ITPK1: variants seen among roughly 807,000 people sequenced by gnomAD.
The protein encoded by ITPK1 is inositol-tetrakisphosphate 1-kinase.
A neutral mutation model predicts 45.3 loss-of-function variants in ITPK1; 21 were observed. The observed-to-expected ratio is 0.46, with a 90% CI of 0.33 to 0.67. ITPK1 has a LOEUF of 0.67. Among genes scored for constraint, ITPK1 ranks in the 30% least tolerant of loss-of-function variants. ITPK1 has a pLI of 0.02. For missense variants in ITPK1, 474 were observed against 573.5 expected (o/e 0.83, Z 1.77); for synonymous variants, 258 against 253.6 (o/e 1.02, Z -0.16).
At chr14:93,011,317 G>A (rs534437521) in intron 4 of ITPK1, among the ~76,000 whole-genome samples, 4 of 152,360 alleles carry the variant, frequency 2.6e-5, no homozygotes, top group Admixed American at 6.5e-5. Context: ...TCCCTGTGGC[G>A]AAGCCTGGCC....
intron 3 of ITPK1, chr14:93,071,921 T>C (rs1891020258): frequency 6.6e-6 from 1 of 152,144 alleles, no homozygotes; most frequent in Admixed American, 6.6e-5. Context: ...TGAATTATTA[T>C]AACAATTACT....
At chr14:93,021,235 CA>C (rs1888445360) in intron 3 of ITPK1, among the ~76,000 whole-genome samples, 1 of 151,892 alleles carries the variant, frequency 6.6e-6, no homozygotes, top group Admixed American at 6.6e-5. Flanking sequence ...AAGGCCTTGC[CA>C]AGCAGAAGCA....
intron 3 of ITPK1, among the ~76,000 whole-genome samples, chr14:93,075,680 A>C (rs1891192869): frequency 6.6e-6 from 1 of 152,226 alleles, no homozygotes; most frequent in Non-Finnish European, 1.5e-5. Flanking sequence ...AGCTGAAGTT[A>C]ACAGGGGTGG....
intron 5 of ITPK1, 142 bp from the exon 6 acceptor site, chr14:92,962,991 T>C (rs890438629): frequency 3.5e-6 from 2 of 573,376 alleles, no homozygotes; most frequent in Non-Finnish European, 6.2e-6. Flanking sequence ...TGCAGTCCCA[T>C]GTGCTCGTGT....
At chr14:93,045,540 T>A (rs1200084963) in intron 3 of ITPK1, among the ~76,000 whole-genome samples, 1 of 152,122 alleles carries the variant, frequency 6.6e-6, no homozygotes, top group Non-Finnish European at 1.5e-5. Context: ...TAGTCCCAGC[T>A]ACTCAGGAGG....
At chr14:93,099,714 C>T (rs948540761) in intron 2 of ITPK1, among the ~76,000 whole-genome samples, 1 of 152,180 alleles carries the variant, frequency 6.6e-6, no homozygotes, top group African/African-American at 2.4e-5. Context: ...CACAGGGAGG[C>T]CCCGAGCAGC....
chr14:92,950,063 A>G (rs1887885077), intron 9 of ITPK1, among the ~76,000 whole-genome samples: 1 of 152,226 alleles, frequency 6.6e-6, no homozygotes, highest in South Asian at 2.1e-4. Context: ...CAGAGAGGCG[A>G]CGCGACTCGC....
At chr14:93,097,510 G>A (rs1892128337) in intron 2 of ITPK1, among the ~76,000 whole-genome samples, 1 of 152,148 alleles carries the variant, frequency 6.6e-6, no homozygotes. Flanking sequence ...GGGATTCCTA[G>A]CAAGACCAGA....
chr14:93,115,894 C>T lies in ITPK1; in HGVS notation c.-265G>A, dbSNP rs1595232325. Reference sequence around the variant, plus strand: ...CGCCGCCGCCCCGCGCTGGCCCGGCCGCCCCGCTTGAGCCCGCGGCGGCGA... The same window carrying T: ...CGCCGCCGCCCCGCGCTGGCCCGGCTGCCCCGCTTGAGCCCGCGGCGGCGA... On this transcript the variant is annotated 5_prime_UTR_variant, in exon 1 of 11. Transcript: ENST00000267615. The T allele has an allele frequency of 6.8e-6, 1 of 146,294 alleles. No homozygotes were observed. Among genetic ancestry groups the T allele is most frequent in the African/African-American group, 2.4e-5 (1 of 40,856 alleles). The allele number at this position is 146,294 out of a possible 1,614,324, so 9.1% of individuals were successfully genotyped here. A position where few individuals can be genotyped will look rare whatever the true frequency, so the allele number is the denominator to read the frequency against.
intron 4 of ITPK1, among the ~76,000 whole-genome samples, chr14:93,007,010 G>A (rs1461589032): frequency 6.6e-6 from 1 of 152,190 alleles, no homozygotes. Context: ...AGGTCCTCTA[G>A]GCGACCAGGG....
chr14:93,085,280 C>T (rs191019269), intron 2 of ITPK1, among the ~76,000 whole-genome samples: 249 of 152,340 alleles, frequency 1.6e-3, no homozygotes, highest in African/African-American at 5.6e-3. Context: ...CTGGAAGCTG[C>T]CATGTGTCTT....
chr14:93,001,561 G>A (rs890551642), intron 4 of ITPK1, among the ~76,000 whole-genome samples: 67 of 152,066 alleles, frequency 4.4e-4, no homozygotes, highest in African/African-American at 1.3e-3. Context: ...GCACCAAGGC[G>A]AACCCAGCGT....
intron 5 of ITPK1, among the ~76,000 whole-genome samples, chr14:92,975,087 G>A (rs1320712431): frequency 1.3e-5 from 2 of 152,238 alleles, no homozygotes; most frequent in Non-Finnish European, 2.9e-5. Flanking sequence ...CTCGGGAGGT[G>A]TGACCTGTAA....
At chr14:93,093,970 T>C (rs998596070) in intron 2 of ITPK1, among the ~76,000 whole-genome samples, 1 of 152,208 alleles carries the variant, frequency 6.6e-6, no homozygotes, top group African/African-American at 2.4e-5. Flanking sequence ...CTCACCCCGA[T>C]TGCCAAGCTC....
intron 3 of ITPK1, among the ~76,000 whole-genome samples, chr14:93,019,282 C>A (rs58075369): frequency 0.2 from 30,136 of 152,144 alleles, 3,339 homozygotes; most frequent in African/African-American, 0.3. Context: ...CTGGGAGAAA[C>A]TGTGGGGTTC....
chr14:92,982,840 G>A lies in ITPK1; in HGVS notation c.364+11040C>T, dbSNP rs112769045. On this transcript the variant is annotated intron_variant, in intron 5 of 10. Coordinates refer to ENST00000267615, the MANE Select transcript of ITPK1 (RefSeq NM_014216.6). ...GCCAGTGGCCACAGCCCCCTACCCT[G>A]CTCCTTGAAGGCATCTAAGAGACCC... is the stretch of plus-strand genomic sequence containing the variant. 2.3e-3 allele frequency among the ~76,000 whole-genome samples: 357 copies of A among 152,328 alleles called. 4 individuals carry two copies. The highest frequency in any genetic ancestry group is 8.4e-3 in the African/African-American group (349 of 41,560).
chr14:93,090,213 C>T (rs1323985373), intron 2 of ITPK1, among the ~76,000 whole-genome samples: 8 of 152,132 alleles, frequency 5.3e-5, no homozygotes, highest in African/African-American at 1.9e-4. Flanking sequence ...GCACACCGGG[C>T]TTCCTGCCGT....
At chr14:92,966,285 C>A (rs1181706807) in intron 5 of ITPK1, among the ~76,000 whole-genome samples, 1 of 152,168 alleles carries the variant, frequency 6.6e-6, no homozygotes, top group African/African-American at 2.4e-5. Context: ...AGCTACCATG[C>A]CTGGCCTCAA....
At chr14:93,084,209 G>C (rs569733751) in intron 2 of ITPK1, among the ~76,000 whole-genome samples, 3 of 152,382 alleles carry the variant, frequency 2.0e-5, no homozygotes. Context: ...CGCGGGCTGA[G>C]TGGCGACGAA....
Sources: allele counts gnomAD v4.1 joint callset (sites outside exome capture counted in the v4.1 genomes callset), GRCh38; gene constraint gnomAD v4.1.1; transcripts MANE v1.5; gene names NCBI Gene and HGNC (gene_info 2026-07-23, HGNC 2026-07-21).